RBFOX1: variants seen among roughly 807,000 people sequenced by gnomAD.
RBFOX1 encodes the protein RNA binding fox-1 homolog 1.
A neutral mutation model predicts 57.7 loss-of-function variants in RBFOX1; 8 were observed. The observed-to-expected ratio is 0.14, with a 90% CI of 0.08 to 0.25. The LOEUF is 0.25. Ranked by LOEUF, RBFOX1 falls within the 10% of genes least tolerant of loss-of-function variation. The pLI is 1.00. For synonymous variants in RBFOX1, 326 were observed against 222.4 expected, an observed-to-expected ratio of 1.47 and a Z score of -4.15; for missense variants, 611 against 548.5, an observed-to-expected ratio of 1.11 and a Z score of -1.14.
chr16:6,242,346 C>G (rs2097544068), intron 1 of RBFOX1, among the ~76,000 whole-genome samples: 1 of 152,018 alleles, frequency 6.6e-6, no homozygotes, highest in South Asian at 2.1e-4. Flanking sequence ...GGTCTATGGT[C>G]TATTGCATTC....
At chr16:6,306,502 G>A (rs1047000096) in intron 1 of RBFOX1, among the ~76,000 whole-genome samples, 1 of 152,192 alleles carries the variant, frequency 6.6e-6, no homozygotes, top group African/African-American at 2.4e-5. Flanking sequence ...ATTTCTTCAT[G>A]GATGAAATCC....
intron 2 of RBFOX1, among the ~76,000 whole-genome samples, chr16:5,515,612 T>C (rs889119226): frequency 6.6e-6 from 1 of 152,230 alleles, no homozygotes; most frequent in Non-Finnish European, 1.5e-5. Context: ...TCCTTATGCC[T>C]GATCAATTTG....
chr16:6,735,396 A>T (rs2069902562), intron 3 of RBFOX1, among the ~76,000 whole-genome samples: 1 of 152,136 alleles, frequency 6.6e-6, no homozygotes, highest in African/African-American at 2.4e-5. Context: ...ACTTTTAAGG[A>T]TTGGAAAATT....
intron 3 of RBFOX1, among the ~76,000 whole-genome samples, chr16:5,623,851 G>A (rs76089940): frequency 2.0e-5 from 3 of 152,140 alleles, no homozygotes; most frequent in Non-Finnish European, 2.9e-5. Flanking sequence ...CGGCTCTATT[G>A]AGATATCATT....
At chr16:5,369,067 T>A (rs1403589385) in intron 1 of RBFOX1, among the ~76,000 whole-genome samples, 1 of 152,070 alleles carries the variant, frequency 6.6e-6, no homozygotes, top group African/African-American at 2.4e-5. Context: ...AGTGGCGCCA[T>A]CTTGGTTCAC....
At chr16:7,017,758 A>C (rs1051911338) in intron 3 of RBFOX1, among the ~76,000 whole-genome samples, 1 of 152,132 alleles carries the variant, frequency 6.6e-6, no homozygotes, top group Non-Finnish European at 1.5e-5. Flanking sequence ...CTTCCAAACA[A>C]ACACTGATGA....
intron 3 of RBFOX1, among the ~76,000 whole-genome samples, chr16:6,902,105 G>T (rs369913934): frequency 3.3e-5 from 5 of 152,198 alleles, no homozygotes; most frequent in African/African-American, 1.2e-4. Context: ...CATAAAATCA[G>T]GTGTCTTACT....
chr16:7,029,466 T>C (rs910479268), intron 3 of RBFOX1, among the ~76,000 whole-genome samples: 1 of 151,698 alleles, frequency 6.6e-6, no homozygotes, highest in Non-Finnish European at 1.5e-5. Context: ...CAGGATGGAA[T>C]AGAGTTTGGT....
At chr16:7,072,327 C>T (rs1334467924) in intron 4 of RBFOX1, among the ~76,000 whole-genome samples, 1 of 152,172 alleles carries the variant, frequency 6.6e-6, no homozygotes, top group East Asian at 1.9e-4. Flanking sequence ...TGCTTATCAC[C>T]TTCCTTACGC....
chr16:7,181,107 C>T lies in RBFOX1; in HGVS notation c.27+129009C>T, dbSNP rs567865205. 4.6e-5 allele frequency among the ~76,000 whole-genome samples: 7 copies of T among 152,316 alleles called. 1 individual carries two copies. Among genetic ancestry groups the T allele is most frequent in the Middle Eastern group, 6.8e-3 (2 of 294 alleles). On this transcript the variant is annotated intron_variant, in intron 4 of 15. Transcript: ENST00000550418. ...CTGACCCCCTGCTATCAAGGAATGA[C>T]CAGGGATTTGGAGATAGGCTTTCAA... is the stretch of plus-strand genomic sequence containing the variant.
At chr16:6,599,664 T>C (rs1274991258) in intron 2 of RBFOX1, among the ~76,000 whole-genome samples, 1 of 152,206 alleles carries the variant, frequency 6.6e-6, no homozygotes, top group Non-Finnish European at 1.5e-5. Context: ...AGCAGCCATA[T>C]GGCAGAGTGC....
intron 4 of RBFOX1, among the ~76,000 whole-genome samples, chr16:5,909,089 C>CTT (rs1168067500): frequency 0.063 from 4,897 of 78,182 alleles, 190 homozygotes; most frequent in African/African-American, 0.075. Flanking sequence ...ACTAAGCCCC[C>CTT]CTTTTTTTTT....
chr16:5,956,678 A>ATTTATATATATATATATATTTTTTTT (rs1555456300), intron 4 of RBFOX1, among the ~76,000 whole-genome samples: 152 of 116,454 alleles, frequency 1.3e-3, no homozygotes, highest in African/African-American at 5.2e-3. Flanking sequence ...ATATATATAT[A>ATTTATATATATATATATATTTTTTTT]TTTTTTTTGA....
At chr16:6,716,742 G>A (rs2154157051) in intron 3 of RBFOX1, among the ~76,000 whole-genome samples, 1 of 152,262 alleles carries the variant, frequency 6.6e-6, no homozygotes, top group Middle Eastern at 3.4e-3. Flanking sequence ...ATTCTATCCA[G>A]TTATACTTGT....
chr16:5,293,519 C>A (rs893017235), intron 1 of RBFOX1, among the ~76,000 whole-genome samples: 2 of 152,218 alleles, frequency 1.3e-5, no homozygotes, highest in Non-Finnish European at 2.9e-5. Context: ...TACCAAGGCT[C>A]TCTCTCACTT....
intron 2 of RBFOX1, among the ~76,000 whole-genome samples, chr16:6,618,569 G>A (rs2098177309): frequency 6.6e-6 from 1 of 152,208 alleles, no homozygotes; most frequent in Non-Finnish European, 1.5e-5. Flanking sequence ...ATGCTGACAT[G>A]ATACTCGTTT....
intron 4 of RBFOX1, among the ~76,000 whole-genome samples, chr16:7,425,256 T>C (rs1157770527): frequency 4.6e-5 from 7 of 152,198 alleles, no homozygotes; most frequent in Admixed American, 4.6e-4. Flanking sequence ...TACAACACAC[T>C]GAATGAGAGA....
At chr16:7,657,532 T>C (rs1986149) in intron 12 of RBFOX1, among the ~76,000 whole-genome samples, 73,186 of 152,092 alleles carry the variant, frequency 0.48, 19,259 homozygotes, top group Non-Finnish European at 0.6. Flanking sequence ...CTTGAACTCC[T>C]GACCTCAGGT....
intron 4 of RBFOX1, among the ~76,000 whole-genome samples, chr16:7,224,878 G>C (rs931962850): frequency 9.2e-5 from 14 of 152,116 alleles, no homozygotes; most frequent in Non-Finnish European, 2.9e-5. Context: ...ACTTTACCAC[G>C]ACTTCCAGGT....
Sources: allele counts gnomAD v4.1 joint callset (sites outside exome capture counted in the v4.1 genomes callset), GRCh38; gene constraint gnomAD v4.1.1; transcripts MANE v1.5; gene names NCBI Gene and HGNC (gene_info 2026-07-23, HGNC 2026-07-21).